VSTM2B: variants seen among roughly 807,000 people sequenced by gnomAD.
VSTM2B encodes V-set and transmembrane domain-containing protein 2B.
Under a neutral mutation model 24.0 loss-of-function variants are expected in VSTM2B, and 24 were observed. That is an observed-to-expected ratio of 1.00 (90% confidence interval 0.72 to 1.40). The LOEUF is 1.40. Ranked by LOEUF, VSTM2B falls within the 40% of genes most tolerant of loss-of-function variation. The probability of loss-of-function intolerance (pLI) is 0.00; values close to 1 mark genes in which losing one functional copy is unlikely to be tolerated. For missense variants in VSTM2B, 399 were observed against 416.4 expected, an observed-to-expected ratio of 0.96 and a Z score of 0.36; for synonymous variants, 226 against 194.4, an observed-to-expected ratio of 1.16 and a Z score of -1.35.
At chr19:29,527,147 T>C in intron 1 of VSTM2B, 64 bp from the exon 2 acceptor site, 4 of 1,431,858 alleles carry the variant, frequency 2.8e-6, no homozygotes, top group Non-Finnish European at 3.8e-6. Context: ...ACTGCCTCGC[T>C]TTAGGTTGCC....
At chr19:29,537,616 A>G (rs1219966261) in intron 4 of VSTM2B, among the ~76,000 whole-genome samples, 1 of 151,974 alleles carries the variant, frequency 6.6e-6, no homozygotes, top group African/African-American at 2.4e-5. Flanking sequence ...GCAGTTCAAG[A>G]GGAACGTTGA....
intron 4 of VSTM2B, among the ~76,000 whole-genome samples, chr19:29,546,224 C>G (rs1267317414): frequency 6.6e-6 from 1 of 152,166 alleles, no homozygotes; most frequent in Non-Finnish European, 1.5e-5. Context: ...TTCAGGAGAG[C>G]CTGGGTGCAT....
intron 4 of VSTM2B, among the ~76,000 whole-genome samples, chr19:29,556,049 C>T (rs1006956421): frequency 1.3e-5 from 2 of 151,668 alleles, no homozygotes; most frequent in Non-Finnish European, 2.9e-5. Context: ...TTCTCCCTAA[C>T]TCATTTTGTG....
chr19:29,533,635 G>A (rs753829617), intron 4 of VSTM2B, among the ~76,000 whole-genome samples: 12 of 152,234 alleles, frequency 7.9e-5, no homozygotes, highest in Non-Finnish European at 1.5e-4. Flanking sequence ...CATCCGAACA[G>A]CCTTGATGCC....
Position 29,546,671 on chromosome 19 carries a change from C to CG in VSTM2B, c.769+16381_769+16382insG, listed in dbSNP as rs1240241484. Among the ~76,000 whole-genome samples the CG allele has an allele frequency of 4.5e-5, 6 of 134,486 alleles. 1 individual carries two copies. Among genetic ancestry groups the CG allele is most frequent in the Admixed American group, 2.2e-4 (3 of 13,538 alleles). The allele number at this position is 134,486 out of a possible 152,430, so 88.2% of individuals were successfully genotyped here. A position where few individuals can be genotyped will look rare whatever the true frequency, so the allele number is the denominator to read the frequency against. The stretch of plus-strand genomic sequence containing the variant: ...CAGCCTCGCCGTCCCCGCTGGGGAG[C>CG]CCCCACCCCCACCCCGGTGCTCACT... On this transcript the variant is annotated intron_variant, in intron 4 of 4. Transcript: ENST00000335523.
At chr19:29,533,390 C>T (rs1269949336) in intron 4 of VSTM2B, among the ~76,000 whole-genome samples, 1 of 152,198 alleles carries the variant, frequency 6.6e-6, no homozygotes, top group Non-Finnish European at 1.5e-5. Flanking sequence ...CACCCCCTAA[C>T]CCTTGCCAGC....
intron 3 of VSTM2B, chr19:29,528,877 T>C (rs1418323686): frequency 1.0e-6 from 1 of 980,054 alleles, no homozygotes; most frequent in Non-Finnish European, 1.2e-6. Context: ...GCATCTGCTC[T>C]GCGCCCTCCG....
At chr19:29,531,884 A>T (rs1180809408) in intron 4 of VSTM2B, among the ~76,000 whole-genome samples, 1 of 152,232 alleles carries the variant, frequency 6.6e-6, no homozygotes, top group East Asian at 1.9e-4. Context: ...GCTCTGTTCC[A>T]TGCAGTCATC....
chr19:29,539,010 C>T (rs1969962730), intron 4 of VSTM2B, among the ~76,000 whole-genome samples: 2 of 152,114 alleles, frequency 1.3e-5, no homozygotes, highest in South Asian at 2.1e-4. Context: ...TTGCAAATGG[C>T]TCGGAGAGTT....
At chr19:29,537,325 AGGG>A (rs1414550609) in intron 4 of VSTM2B, among the ~76,000 whole-genome samples, 4 of 152,166 alleles carry the variant, frequency 2.6e-5, no homozygotes, top group Non-Finnish European at 5.9e-5. Context: ...CCTGTGGGTT[AGGG>A]TGTAGCTGCT....
At chr19:29,537,875 G>A (rs563356698) in intron 4 of VSTM2B, among the ~76,000 whole-genome samples, 17 of 152,008 alleles carry the variant, frequency 1.1e-4, no homozygotes, top group South Asian at 4.2e-4. Flanking sequence ...GCTAGAGACC[G>A]AGGCCAGGAA....
chr19:29,534,044 T>C (rs1303089765), intron 4 of VSTM2B, among the ~76,000 whole-genome samples: 1 of 152,136 alleles, frequency 6.6e-6, no homozygotes, highest in African/African-American at 2.4e-5. Flanking sequence ...CAGAGGCACA[T>C]GGAACATTCA....
At chr19:29,557,932 A>T (rs1399923468) in intron 4 of VSTM2B, among the ~76,000 whole-genome samples, 1 of 152,142 alleles carries the variant, frequency 6.6e-6, no homozygotes. Context: ...AATGGGAGAA[A>T]ATTTTGCAAT....
At position 29,552,624 on chromosome 19, in the gene VSTM2B, G is replaced by A. The variant is rs559389845; in HGVS notation, c.770-11222G>A. Among the ~76,000 whole-genome samples, 11 of 152,350 alleles carry A rather than the reference G, an allele frequency of 7.2e-5. No individual in the cohort carries two copies. The South Asian group carries it at 1.4e-3, about 20-fold the overall frequency. ...CACCAGGGCCTTGGGTCCCAAGCAC[G>A]CCACTCAGCTAGAGACTGCCTAAGA... is the stretch of plus-strand genomic sequence containing the variant. On this transcript the variant is annotated intron_variant, in intron 4 of 4. Coordinates refer to ENST00000335523, the MANE Select transcript of VSTM2B (RefSeq NM_001146339.2).
At chr19:29,536,807 A>G (rs1038097118) in intron 4 of VSTM2B, among the ~76,000 whole-genome samples, 28 of 152,268 alleles carry the variant, frequency 1.8e-4, no homozygotes, top group African/African-American at 6.3e-4. Context: ...TAAACACGCC[A>G]GGTGCATATC....
At chr19:29,561,096 G>A (rs1970513050) in intron 4 of VSTM2B, among the ~76,000 whole-genome samples, 1 of 152,120 alleles carries the variant, frequency 6.6e-6, no homozygotes, top group African/African-American at 2.4e-5. Flanking sequence ...CAGATCACTT[G>A]AGGTCAGAAG....
chr19:29,525,963 C>T (rs1203321756), upstream of VSTM2B, among the ~76,000 whole-genome samples: 2 of 151,732 alleles, frequency 1.3e-5, no homozygotes, highest in Admixed American at 1.3e-4. Flanking sequence ...ACTGACCGCC[C>T]CCTCCCTTCC....
rs978577215 is a variant in VSTM2B, at chr19:29,526,071, G to T, written c.-513G>T. Among the ~76,000 whole-genome samples the T allele has an allele frequency of 6.6e-6, 1 of 151,890 alleles. No homozygotes were observed. The highest frequency in any genetic ancestry group is 1.5e-5 in the Non-Finnish European group (1 of 67,930). Reference sequence around the variant, plus strand: ...GCTGGGTCGGACGCCAGGTCTGCGCGCCGCGGCTGAGCGCCCACTCGCCCT... The same window carrying T: ...GCTGGGTCGGACGCCAGGTCTGCGCTCCGCGGCTGAGCGCCCACTCGCCCT... On this transcript the variant is annotated 5_prime_UTR_variant, in exon 1 of 5. Coordinates refer to ENST00000335523, the MANE Select transcript of VSTM2B (RefSeq NM_001146339.2). The surrounding 1 kb of genome is among the most constrained non-coding windows in gnomAD (Gnocchi z 4.1).
intron 4 of VSTM2B, among the ~76,000 whole-genome samples, chr19:29,542,407 A>C (rs907890079): frequency 1.3e-5 from 2 of 151,724 alleles, no homozygotes; most frequent in African/African-American, 4.8e-5. Context: ...GGATGGGAGA[A>C]TGAATGGATG....
Sources: gnomAD v4.1 joint callset for allele counts (sites outside exome capture counted in the v4.1 genomes callset) on GRCh38, gnomAD v4.1.1 for gene constraint, Gnocchi (gnomAD v3.1) non-coding constraint, MANE v1.5 for transcripts, NCBI Gene and HGNC (gene_info 2026-07-23, HGNC 2026-07-21) for gene names.